SPATA21: variants seen among roughly 807,000 people sequenced by gnomAD.
The protein encoded by SPATA21 is spermatogenesis-associated protein 21.
A neutral mutation model predicts 54.8 loss-of-function variants in SPATA21; 47 were observed. The observed-to-expected ratio is 0.86, with a 90% CI of 0.68 to 1.09. The LOEUF is 1.09. SPATA21 is among the 50% of genes least tolerant of loss of function. SPATA21 has a pLI of 0.00. For missense variants in SPATA21, 599 were observed against 596.4 expected (o/e 1.00, Z -0.05); for synonymous variants, 245 against 235.3 (o/e 1.04, Z -0.38).
chr1:16,403,952 G>T lies in SPATA21; in HGVS notation c.883+16C>A, dbSNP rs1305048416. The T allele has an allele frequency of 1.3e-6, 2 of 1,599,072 alleles. No individual in the cohort carries two copies. Among genetic ancestry groups the T allele is most frequent in the Non-Finnish European group, 1.7e-6 (2 of 1,172,816 alleles). On this transcript the variant is annotated intron_variant, in intron 9 of 12. Coordinates refer to ENST00000335496, the MANE Select transcript of SPATA21 (RefSeq NM_198546.1). ...CCTCCTCCAGTTCTGACTACGCTGG[G>T]CTCATCCCTGCTCACCCACAGAGCA...
chr1:16,406,597 C>A (rs1049096780), intron 7 of SPATA21, among the ~76,000 whole-genome samples: 6 of 151,712 alleles, frequency 4.0e-5, no homozygotes, highest in African/African-American at 1.4e-4. Context: ...TAGAAATTAG[C>A]CAGCCACAGT....
rs938710016 is a variant in SPATA21 at position 16,400,784 on chromosome 1, CTCT to C, written c.1107_1109del (p.Glu370del). 5 of 1,613,592 alleles carry C rather than the reference CTCT, an allele frequency of 3.1e-6. No homozygotes were observed. The highest frequency in any genetic ancestry group is 2.7e-5 in the African/African-American group (2 of 74,594). ...CCTTTCGTTCTGGAACTTCTGAGCT[CTCT>C]TCTTGCTGGGGGTTGTAGGGAAGCT... On this transcript the variant is annotated inframe_deletion, in exon 11 of 13. Transcript: ENST00000335496.
rs1452529742 is a variant in SPATA21 at position 16,421,462 on chromosome 1, C to T, written c.144+47G>A. 6.4e-7 allele frequency: 1 copy of T among 1,568,104 alleles called. No homozygotes were observed. The highest frequency in any genetic ancestry group is 1.4e-5 in the African/African-American group (1 of 73,446). ...TCTTCCTCCTCCTGATCCCCCCTGC[C>T]TTTCTCCTACACAGCTCGTCCCCGT... On this transcript the variant is annotated intron_variant, in intron 5 of 12. Transcript: ENST00000335496. This position sits in a 1 kb window ranked among gnomAD's most constrained non-coding sequence, Gnocchi z 5.2.
chr1:16,402,578 A>G (rs2085489182), intron 10 of SPATA21, among the ~76,000 whole-genome samples: 2 of 145,586 alleles, frequency 1.4e-5, no homozygotes, highest in South Asian at 4.8e-4. Flanking sequence ...TTTTTAAGAG[A>G]TGGACTTTCG....
In SPATA21 at chr1:16,400,720, C is replaced by G. The variant is rs1557639914; in HGVS notation, c.1174G>C (p.Ala392Pro). ...ILSRLKQQNY[A>P]PNLQSPYAQV... ...ATCCCACCCTGCCCAGGGCCCTCAC[C>G]ATAGTTCTGCTGCTTCAGCCGGCTC... Residue 392 changes from alanine to proline, a missense_variant and splice_region_variant, in exon 11 of 13, where the codon GCT (alanine) becomes CCT (proline). By Grantham distance (27) the Ala-to-Pro change is conservative (BLOSUM62 -1). Coordinates refer to ENST00000335496, the MANE Select transcript of SPATA21 (RefSeq NM_198546.1). 1 of 1,613,054 alleles carries G rather than the reference C, an allele frequency of 6.2e-7. No individual in the cohort carries two copies. The highest frequency in any genetic ancestry group is 8.5e-7 in the Non-Finnish European group (1 of 1,179,418).
chr1:16,405,802 C>A (rs1037485957), intron 7 of SPATA21, among the ~76,000 whole-genome samples: 7 of 152,206 alleles, frequency 4.6e-5, no homozygotes, highest in Admixed American at 3.3e-4. Context: ...ATGCAGCGAT[C>A]CTTGCAACCT....
chr1:16,431,493 A>G (rs576871860), intron 2 of SPATA21, 71 bp from the exon 3 acceptor site: 2 of 1,453,340 alleles, frequency 1.4e-6, no homozygotes, highest in South Asian at 2.6e-5. Context: ...GCCCACTTGG[A>G]GCCTATAATG....
chr1:16,396,512 G>A (rs573641924), downstream of SPATA21: 1 of 152,368 alleles, frequency 6.6e-6, no homozygotes, highest in South Asian at 2.1e-4. Flanking sequence ...GGCTCCTTGA[G>A]GTGGAAGAGA....
intron 1 of SPATA21, among the ~76,000 whole-genome samples, chr1:16,434,573 G>GGT (rs1456809757): frequency 1.3e-5 from 2 of 151,524 alleles, no homozygotes; most frequent in Non-Finnish European, 2.9e-5. Context: ...TGAGATTACA[G>GGT]GTGTGAGCCA....
chr1:16,415,680 C>G (rs367821567), intron 5 of SPATA21, among the ~76,000 whole-genome samples: 31 of 152,306 alleles, frequency 2.0e-4, no homozygotes, highest in African/African-American at 7.5e-4. Context: ...CTGCCTCAGC[C>G]TCCCGAGTAG....
At chr1:16,403,941 G>T in intron 9 of SPATA21, 27 bp downstream of exon 9, 1 of 1,608,036 alleles carries the variant, frequency 6.2e-7, no homozygotes, top group Non-Finnish European at 8.5e-7. Context: ...CTCCAGTTCT[G>T]ACTACGCTGG....
intron 3 of SPATA21, among the ~76,000 whole-genome samples, chr1:16,426,571 A>G (rs2086325496): frequency 8.7e-6 from 1 of 115,210 alleles, no homozygotes; most frequent in Admixed American, 8.7e-5. Context: ...ATATATATAT[A>G]TATATATATT....
intron 1 of SPATA21, among the ~76,000 whole-genome samples, chr1:16,435,324 C>CT (rs951840905): frequency 1.0e-3 from 147 of 147,516 alleles, no homozygotes; most frequent in African/African-American, 3.2e-3. Context: ...AGCCTTCGTC[C>CT]TTTTTTTTTT....
In SPATA21 at chr1:16,421,937, C is replaced by A; in HGVS notation, c.69G>T (p.Thr23=). The A allele has an allele frequency of 6.2e-7, 1 of 1,614,114 alleles. No individual in the cohort carries two copies. Among genetic ancestry groups the A allele is most frequent in the Non-Finnish European group, 8.5e-7 (1 of 1,180,002 alleles). ...EKTVNPFLPS[T]PGPKKAKGGG... is the part of the protein sequence containing the mutation. ...CTCCTTTTGCTTTTTTAGGTCCAGG[C>A]GTGGATGGCAGGAAGGGGTTGACTG... is the stretch of plus-strand genomic sequence containing the variant. The change falls in exon 4 of 13, where the codon ACG becomes ACT. Residue 23 remains threonine (T), a synonymous_variant. Transcript: ENST00000335496. This position sits in a 1 kb window ranked among gnomAD's most constrained non-coding sequence, Gnocchi z 5.2.
intron 10 of SPATA21, among the ~76,000 whole-genome samples, chr1:16,403,492 C>CT (rs1202879935): frequency 0.021 from 1,742 of 83,360 alleles, 43 homozygotes; most frequent in Admixed American, 0.039. Context: ...TCTTTTTTTT[C>CT]TTTTTTTTTT....
rs766337432 is a variant in SPATA21, at chr1:16,409,091, G to C, written c.673+27C>G. On this transcript the variant is annotated intron_variant, in intron 7 of 12. Transcript: ENST00000335496. The surrounding 1 kb of genome is among the most constrained non-coding windows in gnomAD (Gnocchi z 4.1). ...AGGACCAAGGGTCCTGCCTGTGCTG[G>C]GACCTCCCTGACCTCCCTGCCCTCA... 4 of 1,612,922 alleles carry C rather than the reference G, an allele frequency of 2.5e-6. No individual in the cohort carries two copies. In the South Asian group the frequency reaches 4.4e-5, roughly 18 times the overall value.
intron 7 of SPATA21, among the ~76,000 whole-genome samples, chr1:16,406,572 C>T (rs2085647548): frequency 7.7e-6 from 1 of 130,498 alleles, no homozygotes; most frequent in African/African-American, 2.5e-5. Context: ...GAGACTCCAT[C>T]TCTACAAAAA....
At chr1:16,402,473 G>A (rs373739683) in intron 10 of SPATA21, among the ~76,000 whole-genome samples, 34 of 151,634 alleles carry the variant, frequency 2.2e-4, no homozygotes, top group East Asian at 1.2e-3. Flanking sequence ...ATGTTAGCCA[G>A]GATGCTCTCG....
Position 16,398,700 on chromosome 1 carries a change from T to C in SPATA21, c.*65A>G. 1 of 1,577,850 alleles carries C rather than the reference T, an allele frequency of 6.3e-7. No homozygotes were observed. The highest frequency in any genetic ancestry group is 8.7e-7 in the Non-Finnish European group (1 of 1,147,894). On this transcript the variant is annotated 3_prime_UTR_variant, in exon 13 of 13. Coordinates refer to ENST00000335496, the MANE Select transcript of SPATA21 (RefSeq NM_198546.1). ...CACAAAAGCAAATCCCAGCAGCAGC[T>C]CCTGCCTGGTGGCCCATCTGTCTAC...
Sources: allele counts gnomAD v4.1 joint callset (sites outside exome capture counted in the v4.1 genomes callset), GRCh38; gene constraint gnomAD v4.1.1; non-coding constraint Gnocchi (gnomAD v3.1); transcripts MANE v1.5; gene names NCBI Gene and HGNC (gene_info 2026-07-23, HGNC 2026-07-21).